The following GATA4 variants were observed in gnomAD, a reference collection of about 807,000 sequenced individuals.
GATA4 encodes the protein transcription factor GATA-4.
A neutral mutation model predicts 37.9 loss-of-function variants in GATA4; 7 were observed. The ratio of observed to expected loss-of-function variants is 0.18; its 90% confidence interval spans 0.11 to 0.35. The LOEUF (loss-of-function observed/expected upper bound fraction) is 0.35. Ranked by LOEUF, GATA4 falls within the 10% of genes least tolerant of loss-of-function variation. The pLI, the probability that GATA4 is intolerant of heterozygous loss-of-function variation, is 1.00. For synonymous variants in GATA4, 372 were observed against 292.6 expected (o/e 1.27, Z -2.77); for missense variants, 647 against 653.0 (o/e 0.99, Z 0.10).
At chr8:11,733,891 C>A (rs996657416) in intron 2 of GATA4, among the ~76,000 whole-genome samples, 1 of 152,232 alleles carries the variant, frequency 6.6e-6, no homozygotes, top group African/African-American at 2.4e-5. Flanking sequence ...TATGCAACTT[C>A]CACACAGAGG....
At chr8:11,685,661 C>T (rs924147675) in intron 1 of GATA4, among the ~76,000 whole-genome samples, 12 of 152,202 alleles carry the variant, frequency 7.9e-5, no homozygotes, top group Non-Finnish European at 1.5e-4. Flanking sequence ...GATTCCCCTC[C>T]CCATTTAGAA....
chr8:11,724,013 TTC>T (rs763710720), intron 2 of GATA4, among the ~76,000 whole-genome samples: 1 of 152,206 alleles, frequency 6.6e-6, no homozygotes, highest in Non-Finnish European at 1.5e-5. Flanking sequence ...CCATTGTGCT[TTC>T]TGTCTCTCTG....
intron 2 of GATA4, among the ~76,000 whole-genome samples, chr8:11,716,943 C>G (rs1800458854): frequency 6.6e-6 from 1 of 152,218 alleles, no homozygotes; most frequent in African/African-American, 2.4e-5. Flanking sequence ...GAGGGCAGTT[C>G]TTGCCAACGC....
At chr8:11,686,742 C>A (rs1228832293) in intron 1 of GATA4, among the ~76,000 whole-genome samples, 1 of 152,158 alleles carries the variant, frequency 6.6e-6, no homozygotes, top group Non-Finnish European at 1.5e-5. Flanking sequence ...GCTCATGCCT[C>A]TAATCCCAGC....
At chr8:11,751,900 G>C (rs2130322193) in intron 4 of GATA4, among the ~76,000 whole-genome samples, 1 of 152,300 alleles carries the variant, frequency 6.6e-6, no homozygotes, top group South Asian at 2.1e-4. Flanking sequence ...TTTTAAGGTT[G>C]AAACCATGAA....
chr8:11,759,879 A>T lies in GATA4; in HGVS notation c.*1404A>T, dbSNP rs562531299. On this transcript the variant is annotated 3_prime_UTR_variant, in exon 7 of 7. Transcript: ENST00000532059. ...AGATTCTGTTTTAATCATCATTTAC[A>T]TTGTTTTCTTCCAAAGGCCCCCTCG... The T allele has an allele frequency of 2.6e-5, 4 of 152,708 alleles. No individual in the cohort carries two copies. In the South Asian group the frequency reaches 6.2e-4, roughly 24 times the overall value. 9.5% of individuals were successfully genotyped at this position (152,708 alleles called of 1,614,324 possible).
At chr8:11,714,908 C>A (rs1488717524) in intron 2 of GATA4, among the ~76,000 whole-genome samples, 1 of 152,062 alleles carries the variant, frequency 6.6e-6, no homozygotes, top group African/African-American at 2.4e-5. Context: ...GTGTAGTAGC[C>A]ATAAAATTGC....
At chr8:11,729,178 G>C (rs1212518652) in intron 2 of GATA4, among the ~76,000 whole-genome samples, 1 of 152,146 alleles carries the variant, frequency 6.6e-6, no homozygotes, top group Non-Finnish European at 1.5e-5. Context: ...AGCCATGATC[G>C]TGCCACTGCA....
chr8:11,738,180 CA>C (rs35759534), intron 2 of GATA4, among the ~76,000 whole-genome samples: 5,270 of 82,438 alleles, frequency 0.064, 161 homozygotes, highest in Middle Eastern at 0.14. Flanking sequence ...GACTCTGTCT[CA>C]AAAAAAAAAA....
chr8:11,735,573 C>T (rs1801413181), intron 2 of GATA4, among the ~76,000 whole-genome samples: 3 of 152,022 alleles, frequency 2.0e-5, no homozygotes, highest in African/African-American at 7.3e-5. Context: ...TTCTTTCTTT[C>T]TTTTTTGAGA....
At chr8:11,715,792 A>G (rs1800410466) in intron 2 of GATA4, among the ~76,000 whole-genome samples, 1 of 152,164 alleles carries the variant, frequency 6.6e-6, no homozygotes, top group Non-Finnish European at 1.5e-5. Context: ...TATACAGTTC[A>G]GTAGTGTTAA....
chr8:11,700,167 A>T (rs1393456985), upstream of GATA4, among the ~76,000 whole-genome samples: 1 of 152,200 alleles, frequency 6.6e-6, no homozygotes, highest in Non-Finnish European at 1.5e-5. Context: ...AGTGTTCTGT[A>T]ATCTGGAAGT....
intron 1 of GATA4, chr8:11,680,995 AC>A (rs201265316): frequency 1.0e-6 from 1 of 952,408 alleles, no homozygotes; most frequent in Non-Finnish European, 1.2e-6. Flanking sequence ...CTGCAGAGAG[AC>A]CCCGCACCCC....
intron 2 of GATA4, among the ~76,000 whole-genome samples, chr8:11,717,952 G>C (rs1800510684): frequency 6.6e-6 from 1 of 152,204 alleles, no homozygotes; most frequent in South Asian, 2.1e-4. Flanking sequence ...TAACTCTAGG[G>C]GAACTGTTGG....
intron 1 of GATA4, among the ~76,000 whole-genome samples, chr8:11,684,260 A>G (rs1799069699): frequency 6.6e-6 from 1 of 152,216 alleles, no homozygotes; most frequent in African/African-American, 2.4e-5. Flanking sequence ...GGAGTAGCCA[A>G]AGAATTGCCA....
In GATA4 at chr8:11,757,056, C is replaced by A. The variant is rs1802615473; in HGVS notation, c.1122C>A (p.His374Gln). Residue 374 changes from histidine to glutamine, a missense_variant, in exon 6 of 7, where the codon CAC becomes CAA. By Grantham distance (24) the His-to-Gln change is conservative (BLOSUM62 0). Around this residue, in one of 5 missense-constraint regions of GATA4, gnomAD observed 184 missense variants for 157.1 expected, o/e 1.17. Coordinates refer to ENST00000532059, the MANE Select transcript of GATA4 (RefSeq NM_001308093.3). ...AGACGGAGCCTGGCCTGTCATCTCA[C>A]TACGGGCACAGCAGCTCCGTGTCCC... ...PIKTEPGLSS[H>Q]YGHSSSVSQT... 6.2e-7 allele frequency: 1 copy of A among 1,614,192 alleles called. No homozygotes were observed. Among genetic ancestry groups the A allele is most frequent in the African/African-American group, 1.3e-5 (1 of 75,052 alleles).
At chr8:11,736,763 G>T (rs1173541947) in intron 2 of GATA4, among the ~76,000 whole-genome samples, 4 of 152,244 alleles carry the variant, frequency 2.6e-5, no homozygotes, top group African/African-American at 9.6e-5. Flanking sequence ...AATCACTGGT[G>T]CAGAGTAAGG....
intron 2 of GATA4, among the ~76,000 whole-genome samples, chr8:11,710,478 G>C (rs1171333705): frequency 1.3e-5 from 2 of 150,022 alleles, no homozygotes; most frequent in Admixed American, 6.6e-5. Context: ...CCAGGAGATC[G>C]AGACCATCCT....
intron 2 of GATA4, among the ~76,000 whole-genome samples, chr8:11,737,118 AACCTCGG>A (rs1801498867): frequency 6.6e-6 from 1 of 151,936 alleles, no homozygotes. Flanking sequence ...ATTGGAGCTT[AACCTCGG>A]TTTGATTAAG....
Sources: allele counts gnomAD v4.1 joint callset (sites outside exome capture counted in the v4.1 genomes callset), GRCh38; gene constraint gnomAD v4.1.1; regional missense constraint gnomAD v4.1.1; transcripts MANE v1.5; gene names NCBI Gene and HGNC (gene_info 2026-07-23, HGNC 2026-07-21).